The following ANKRD28 variants were observed in gnomAD, a reference collection of about 807,000 sequenced individuals.
ANKRD28 encodes the protein ankyrin repeat domain 28.
In ANKRD28, 44 loss-of-function variants were observed where a neutral mutation model predicts 126.5. The observed-to-expected ratio is 0.35, with a 90% CI of 0.27 to 0.45. ANKRD28 has a LOEUF of 0.45. ANKRD28 is among the 20% of genes least tolerant of loss of function. The pLI is 1.00. For synonymous variants in ANKRD28, 442 were observed against 468.5 expected, an observed-to-expected ratio of 0.94 and a Z score of 0.73; for missense variants, 1,110 against 1,316.6, an observed-to-expected ratio of 0.84 and a Z score of 2.43.
chr3:15,803,111 T>C (rs1265717403), intron 1 of ANKRD28, among the ~76,000 whole-genome samples: 5 of 152,226 alleles, frequency 3.3e-5, no homozygotes, highest in Non-Finnish European at 7.3e-5. Flanking sequence ...TTATAAAGTT[T>C]GTATTTTTCA....
At chr3:15,855,606 A>C (rs1408645526) in intron 1 of ANKRD28, among the ~76,000 whole-genome samples, 4 of 152,240 alleles carry the variant, frequency 2.6e-5, no homozygotes, top group Non-Finnish European at 5.9e-5. Context: ...AACATGATAC[A>C]AAAATTTATG....
intron 3 of ANKRD28, among the ~76,000 whole-genome samples, chr3:15,753,495 A>G (rs75147100): frequency 0.013 from 1,922 of 152,314 alleles, 45 homozygotes; most frequent in African/African-American, 0.044. Context: ...GTGCACATGC[A>G]TATCTATACA....
rs554930680 is a variant in ANKRD28, at chr3:15,748,846, A to G, written c.351+2904T>C. On this transcript the variant is annotated intron_variant, in intron 4 of 27. Transcript: ENST00000683139. ...ACACCAACTATTCTCAGCTTTGGAA[A>G]ATTAACATAGTCCCAAACTTCTTGG... Among the ~76,000 whole-genome samples the G allele has an allele frequency of 1.3e-4, 20 of 152,272 alleles. No homozygotes were observed. In the South Asian group the frequency reaches 3.9e-3, roughly 30 times the overall value.
chr3:15,818,357 C>T (rs951031442), intron 1 of ANKRD28, among the ~76,000 whole-genome samples: 1 of 152,154 alleles, frequency 6.6e-6, no homozygotes, highest in Non-Finnish European at 1.5e-5. Flanking sequence ...TTAACAGAAA[C>T]TTTGTTTCAT....
chr3:15,769,518 G>T (rs2058898769), intron 2 of ANKRD28, among the ~76,000 whole-genome samples: 1 of 152,160 alleles, frequency 6.6e-6, no homozygotes, highest in South Asian at 2.1e-4. Context: ...GAGGCAAAAT[G>T]CTAGTAACAA....
rs913659886 is a variant in ANKRD28, at chr3:15,854,535, G to A, written c.27+4842C>T. On this transcript the variant is annotated intron_variant, in intron 1 of 27. Transcript: ENST00000399451. This position sits in a 1 kb window ranked among gnomAD's most constrained non-coding sequence, Gnocchi z 4.1. The stretch of plus-strand genomic sequence containing the variant: ...CCAGGTTCTATTTTGTATTGCAAAA[G>A]GTATCCAAAAAGTGAGGAAACACAG... Among the ~76,000 whole-genome samples the A allele has an allele frequency of 6.6e-6, 1 of 152,012 alleles. No homozygotes were observed. The highest frequency in any genetic ancestry group is 6.5e-5 in the Admixed American group (1 of 15,276).
At chr3:15,766,189 C>G (rs1281786230) in intron 3 of ANKRD28, 45 bp downstream of exon 3, 1 of 1,449,616 alleles carries the variant, frequency 6.9e-7, no homozygotes, top group Non-Finnish European at 9.5e-7. Context: ...TTAAGAATAA[C>G]AAAAATATAC....
exon 1 of ANKRD28, chr3:15,859,432 T>A (rs752364757): frequency 1.3e-6 from 2 of 1,503,182 alleles, no homozygotes; most frequent in South Asian, 1.2e-5. Context: ...CACTCCAGCC[T>A]CCTCCTCCTC....
upstream of ANKRD28, among the ~76,000 whole-genome samples, chr3:15,801,274 T>A (rs1023572246): frequency 6.6e-6 from 1 of 152,174 alleles, no homozygotes; most frequent in Non-Finnish European, 1.5e-5. This position sits in a 1 kb window ranked among gnomAD's most constrained non-coding sequence, Gnocchi z 4.9. Context: ...ATAAAAACAT[T>A]AAGTCACTGG....
rs922082735 is a variant in ANKRD28 at position 15,667,547 on chromosome 3, A to G, written c.*2723T>C. On this transcript the variant is annotated 3_prime_UTR_variant, in exon 28 of 28. Transcript: ENST00000683139. The stretch of plus-strand genomic sequence containing the variant: ...AGAACAGGGCCTGAATGCTTTAGAC[A>G]TACAAGGTGTAACCATAAAGGAAAT... 4 of 152,284 alleles carry G rather than the reference A, an allele frequency of 2.6e-5. No individual in the cohort carries two copies. Among genetic ancestry groups the G allele is most frequent in the African/African-American group, 9.6e-5 (4 of 41,480 alleles). The allele number at this position is 152,284 out of a possible 1,614,324, so 9.4% of individuals were successfully genotyped here.
intron 2 of ANKRD28, among the ~76,000 whole-genome samples, chr3:15,775,391 C>A (rs987588197): frequency 6.6e-6 from 1 of 152,136 alleles, no homozygotes; most frequent in Non-Finnish European, 1.5e-5. Context: ...AAAGCAATTC[C>A]CCGGAGGACA....
In ANKRD28 at chr3:15,667,316, G is replaced by C. The variant is rs1027563945; in HGVS notation, c.*2954C>G. ...ACCCCAAAATTTACAGCTACACTTA[G>C]AGATCTCCTGAACTAAATGGCATTG... is the stretch of plus-strand genomic sequence containing the variant. On this transcript the variant is annotated 3_prime_UTR_variant, in exon 28 of 28. Coordinates refer to ENST00000683139, the MANE Select transcript of ANKRD28 (RefSeq NM_001349278.2). The C allele has an allele frequency of 6.6e-6, 1 of 152,294 alleles. No homozygotes were observed. Among genetic ancestry groups the C allele is most frequent in the South Asian group, 2.1e-4 (1 of 4,830 alleles). 9.4% of individuals were successfully genotyped at this position (152,294 alleles called of 1,614,324 possible). A position where few individuals can be genotyped will look rare whatever the true frequency, so the allele number is the denominator to read the frequency against.
intron 1 of ANKRD28, among the ~76,000 whole-genome samples, chr3:15,813,752 A>T (rs1017316888): frequency 1.3e-5 from 2 of 152,204 alleles, no homozygotes; most frequent in Non-Finnish European, 2.9e-5. Flanking sequence ...TCATGAAAAC[A>T]TAGGAGTCAC....
chr3:15,725,995 A>G (rs182807754), intron 6 of ANKRD28, among the ~76,000 whole-genome samples: 180 of 152,286 alleles, frequency 1.2e-3, no homozygotes, highest in Non-Finnish European at 1.5e-3. Context: ...GTGAGCCAAA[A>G]TCATGTCACT....
At chr3:15,828,277 A>T (rs2061112935) in intron 1 of ANKRD28, among the ~76,000 whole-genome samples, 1 of 152,182 alleles carries the variant, frequency 6.6e-6, no homozygotes, top group African/African-American at 2.4e-5. Flanking sequence ...TGATTATGGA[A>T]AAATTATTAC....
At position 15,740,817 on chromosome 3, in the gene ANKRD28, G is replaced by GACAATAA. The variant is rs375674185; in HGVS notation, c.352-3591_352-3585dup. ...CGTAGGTAAGTGGGCACCTAAATAA[G>GACAATAA]ACAATAAACATAGCAATTAAGACAC... On this transcript the variant is annotated intron_variant, in intron 4 of 27. Coordinates refer to ENST00000683139, the MANE Select transcript of ANKRD28 (RefSeq NM_001349278.2). 2.1e-3 allele frequency among the ~76,000 whole-genome samples: 315 copies of GACAATAA among 152,266 alleles called. 1 individual carries two copies. The highest frequency in any genetic ancestry group is 7.2e-3 in the African/African-American group (301 of 41,556).
chr3:15,745,724 T>G (rs1281274617), intron 4 of ANKRD28, among the ~76,000 whole-genome samples: 1 of 91,184 alleles, frequency 1.1e-5, no homozygotes, highest in African/African-American at 3.0e-5. Context: ...ATTTCAGAAT[T>G]TTTTTTTTCT....
chr3:15,830,649 T>C lies in ANKRD28; in HGVS notation c.27+28728A>G, dbSNP rs948744106. 5.3e-5 allele frequency among the ~76,000 whole-genome samples: 8 copies of C among 151,516 alleles called. No individual in the cohort carries two copies. Among genetic ancestry groups the C allele is most frequent in the African/African-American group, 1.9e-4 (8 of 41,184 alleles). On this transcript the variant is annotated intron_variant, in intron 1 of 27. Transcript: ENST00000399451. This position sits in a 1 kb window ranked among gnomAD's most constrained non-coding sequence, Gnocchi z 4.5. ...CCCTGGTGCCAAAAACACTGGGGAC[T>C]GCTGCAGTAATGGATTAATTTTGGC...
chr3:15,822,358 C>A (rs375433585), intron 1 of ANKRD28, among the ~76,000 whole-genome samples: 3 of 151,980 alleles, frequency 2.0e-5, no homozygotes, highest in African/African-American at 7.3e-5. Flanking sequence ...TAGCCGATTG[C>A]CAAGAGAATG....
Sources: allele counts gnomAD v4.1 joint callset (sites outside exome capture counted in the v4.1 genomes callset), GRCh38; gene constraint gnomAD v4.1.1; non-coding constraint Gnocchi (gnomAD v3.1); transcripts MANE v1.5; gene names NCBI Gene and HGNC (gene_info 2026-07-23, HGNC 2026-07-21).